The following TLE1 variants were observed in gnomAD, a reference collection of about 807,000 sequenced individuals.
The protein encoded by TLE1 is TLE family member 1, transcriptional corepressor.
In TLE1, 21 loss-of-function variants were observed where a neutral mutation model predicts 89.8. The observed-to-expected ratio is 0.23, with a 90% confidence interval of 0.17 to 0.34. The LOEUF (loss-of-function observed/expected upper bound fraction) is 0.34, where lower values mean the gene tolerates loss of function less well. TLE1 is among the 10% of genes least tolerant of loss of function. TLE1 has a pLI of 1.00. For missense variants in TLE1, 795 were observed against 1,031.2 expected, an observed-to-expected ratio of 0.77 and a Z score of 3.14; for synonymous variants, 447 against 407.6, an observed-to-expected ratio of 1.10 and a Z score of -1.16.
Position 81,687,452 on chromosome 9 carries a change from G to A in TLE1, c.25-18C>T, listed in dbSNP as rs17080511. The A allele has an allele frequency of 1.9e-4, 303 of 1,589,450 alleles. 4 individuals are homozygous for A. In the East Asian group the frequency reaches 6.5e-3, roughly 34 times the overall value. The stretch of plus-strand genomic sequence containing the variant: ...TGCGGCGTCTGGGGGCGACCAGCGA[G>A]GGGGACCGAGGGACGGGAATGCGGG... On this transcript the variant is annotated intron_variant, in intron 1 of 19. Transcript: ENST00000376499.
intron 8 of TLE1, among the ~76,000 whole-genome samples, chr9:81,627,193 G>A (rs751621536): frequency 4.6e-5 from 7 of 152,028 alleles, no homozygotes; most frequent in Non-Finnish European, 1.0e-4. Flanking sequence ...CTATGTCCCA[G>A]TGAGGAAATG....
chr9:81,688,317 G>GA lies in TLE1; in HGVS notation c.-78dup, dbSNP rs1834641145. On this transcript the variant is annotated 5_prime_UTR_variant, in exon 1 of 20. Transcript: ENST00000376499. The stretch of plus-strand genomic sequence containing the variant: ...AATTTCCAACTTTAATCCCGCCGAG[G>GA]AAAATTAAGCCGGAAAGCCAAGCAG... 1 of 1,425,466 alleles carries GA rather than the reference G, an allele frequency of 7.0e-7. No individual in the cohort carries two copies. The highest frequency in any genetic ancestry group is 1.5e-5 in the African/African-American group (1 of 66,026). 88.3% of individuals were successfully genotyped at this position (1,425,466 alleles called of 1,614,324 possible). A position where few individuals can be genotyped will look rare whatever the true frequency, so the allele number is the denominator to read the frequency against.
At chr9:81,600,603 A>C (rs571519387) in intron 14 of TLE1, among the ~76,000 whole-genome samples, 1 of 148,214 alleles carries the variant, frequency 6.7e-6, no homozygotes, top group East Asian at 2.0e-4. Flanking sequence ...CAAAATGGGC[A>C]TGTTATTTTT....
chr9:81,613,901 CTTTTCT>C (rs1349285105), intron 11 of TLE1, among the ~76,000 whole-genome samples: 6 of 124,602 alleles, frequency 4.8e-5, no homozygotes, highest in African/African-American at 2.2e-4. Context: ...GACCCCTTTT[CTTTTCT>C]TTTTTTTTTT....
intron 4 of TLE1, among the ~76,000 whole-genome samples, chr9:81,685,405 T>C (rs1834133195): frequency 6.6e-6 from 1 of 152,180 alleles, no homozygotes; most frequent in Admixed American, 6.5e-5. Context: ...GGTGAAAAAG[T>C]AAACTCAAGT....
At chr9:81,681,010 T>A (rs1336064192) in intron 4 of TLE1, among the ~76,000 whole-genome samples, 1 of 151,548 alleles carries the variant, frequency 6.6e-6, no homozygotes, top group African/African-American at 2.4e-5. Context: ...ATCCCACAGG[T>A]GAGTCCCTAA....
At chr9:81,619,259 C>T (rs887683390) in intron 9 of TLE1, among the ~76,000 whole-genome samples, 1 of 152,128 alleles carries the variant, frequency 6.6e-6, no homozygotes, top group African/African-American at 2.4e-5. Context: ...GAACCAACAG[C>T]TTTGTTTCTT....
intron 14 of TLE1, among the ~76,000 whole-genome samples, chr9:81,602,676 T>C (rs921115063): frequency 6.6e-6 from 1 of 152,164 alleles, no homozygotes; most frequent in Non-Finnish European, 1.5e-5. Context: ...GTATTCAACT[T>C]TTGAAGATCT....
intron 16 of TLE1, 97 bp from the exon 17 acceptor site, chr9:81,587,925 T>C: frequency 2.7e-6 from 3 of 1,101,962 alleles, no homozygotes; most frequent in South Asian, 1.7e-5. Flanking sequence ...TGTGTGTGTG[T>C]GTGTGTGTGT....
At chr9:81,662,691 T>A (rs536598188) in intron 4 of TLE1, among the ~76,000 whole-genome samples, 1 of 148,100 alleles carries the variant, frequency 6.8e-6, no homozygotes, top group Admixed American at 6.7e-5. Context: ...AAAGTGAAAC[T>A]CCGTATCAAA....
At chr9:81,591,668 G>C (rs188367658) in intron 15 of TLE1, among the ~76,000 whole-genome samples, 2 of 152,242 alleles carry the variant, frequency 1.3e-5, no homozygotes, top group Admixed American at 6.5e-5. Flanking sequence ...GCTAAAGTTT[G>C]CTTACATGCT....
At chr9:81,606,375 T>C (rs1294182708) in intron 14 of TLE1, among the ~76,000 whole-genome samples, 1 of 152,188 alleles carries the variant, frequency 6.6e-6, no homozygotes, top group Non-Finnish European at 1.5e-5. Context: ...CCAACCCAAA[T>C]GTCCATCAAT....
In TLE1 at chr9:81,668,064, C is replaced by T. The variant is rs1238187473; in HGVS notation, c.235-14028G>A. ...CTATAATCCCAGCTACATCAGGAGG[C>T]TGAGGCATAAGAATTGCTTGAACCC... On this transcript the variant is annotated intron_variant, in intron 4 of 19. Coordinates refer to ENST00000376499, the MANE Select transcript of TLE1 (RefSeq NM_005077.5). 3.3e-5 allele frequency among the ~76,000 whole-genome samples: 5 copies of T among 152,112 alleles called. No homozygotes were observed. In the East Asian group the frequency reaches 9.7e-4, roughly 29 times the overall value.
At chr9:81,603,290 C>A (rs1481123680) in intron 14 of TLE1, among the ~76,000 whole-genome samples, 2 of 152,170 alleles carry the variant, frequency 1.3e-5, no homozygotes, top group Non-Finnish European at 2.9e-5. Flanking sequence ...GTCTACAATT[C>A]TGCCTTGGAT....
At chr9:81,648,282 A>AC (rs1829115050) in intron 6 of TLE1, among the ~76,000 whole-genome samples, 2 of 151,868 alleles carry the variant, frequency 1.3e-5, no homozygotes, top group African/African-American at 4.8e-5. Context: ...AAAAAAAAAA[A>AC]AAACCCAAGC....
chr9:81,642,629 G>C (rs1828277679), intron 6 of TLE1, among the ~76,000 whole-genome samples: 1 of 152,108 alleles, frequency 6.6e-6, no homozygotes. Flanking sequence ...AAGAGATAGA[G>C]GTTGCAGTGA....
At chr9:81,597,429 A>G (rs1830377453) in intron 14 of TLE1, among the ~76,000 whole-genome samples, 1 of 152,186 alleles carries the variant, frequency 6.6e-6, no homozygotes, top group Non-Finnish European at 1.5e-5. Context: ...AAAAAATACA[A>G]AATTCTTAAG....
intron 14 of TLE1, among the ~76,000 whole-genome samples, chr9:81,603,924 C>A (rs1831290205): frequency 6.6e-6 from 1 of 152,132 alleles, no homozygotes; most frequent in African/African-American, 2.4e-5. Flanking sequence ...ATCGCTTGAA[C>A]CCGGGAGGTA....
At position 81,686,111 on chromosome 9, in the gene TLE1, G is replaced by A. The variant is rs527854069; in HGVS notation, c.126-215C>T. 3.3e-5 allele frequency among the ~76,000 whole-genome samples: 5 copies of A among 152,278 alleles called. No individual in the cohort carries two copies. In the South Asian group the frequency reaches 1.0e-3, roughly 32 times the overall value. Reference sequence around the variant, plus strand: ...CCATTCAGCTACCATTCTTCTTGGTGCCTATCTGGTTAGATGACAAGAATG... The same window carrying A: ...CCATTCAGCTACCATTCTTCTTGGTACCTATCTGGTTAGATGACAAGAATG... On this transcript the variant is annotated intron_variant, in intron 2 of 19. Coordinates refer to ENST00000376499, the MANE Select transcript of TLE1 (RefSeq NM_005077.5).
Sources: gnomAD v4.1 joint callset for allele counts (sites outside exome capture counted in the v4.1 genomes callset) on GRCh38, gnomAD v4.1.1 for gene constraint, MANE v1.5 for transcripts, NCBI Gene and HGNC (gene_info 2026-07-23, HGNC 2026-07-21) for gene names.